UNC79: variants seen among roughly 807,000 people sequenced by gnomAD.
UNC79 encodes unc-79 subunit of NALCN channel complex, also known as protein unc-79 homolog.
In UNC79, 37 loss-of-function variants were observed where a neutral mutation model predicts 283.1. The ratio of observed to expected loss-of-function variants is 0.13; its 90% CI spans 0.10 to 0.17. The LOEUF is 0.17. UNC79 is among the 10% of genes least tolerant of loss of function. UNC79 has a pLI of 1.00. For missense variants in UNC79, 2,272 were observed against 3,211.1 expected (o/e 0.71, Z 7.07); for synonymous variants, 1,107 against 1,200.2 (o/e 0.92, Z 1.61).
intron 14 of UNC79, among the ~76,000 whole-genome samples, chr14:93,563,193 G>A (rs1231988735): frequency 6.6e-6 from 1 of 152,162 alleles, no homozygotes; most frequent in East Asian, 1.9e-4. Flanking sequence ...GAGTAGGTGG[G>A]AGTGACCAAT....
At chr14:93,376,454 G>T (rs1454862110) in intron 1 of UNC79, among the ~76,000 whole-genome samples, 3 of 151,988 alleles carry the variant, frequency 2.0e-5, no homozygotes, top group African/African-American at 7.3e-5. Context: ...AAAATCACAG[G>T]GGCAAACCGT....
At chr14:93,599,353 A>AGTGTGTGT (rs56758207) in intron 24 of UNC79, among the ~76,000 whole-genome samples, 55 of 148,100 alleles carry the variant, frequency 3.7e-4, no homozygotes, top group African/African-American at 1.3e-3. Context: ...CACATACTTA[A>AGTGTGTGT]GTGTGTGTGT....
chr14:93,413,544 T>C (rs1293345212), intron 1 of UNC79, among the ~76,000 whole-genome samples: 1 of 135,700 alleles, frequency 7.4e-6, no homozygotes, highest in African/African-American at 2.8e-5. Flanking sequence ...ATATACCCAG[T>C]AATGGGATGG....
intron 1 of UNC79, among the ~76,000 whole-genome samples, chr14:93,414,484 G>T (rs1041586067): frequency 1.3e-5 from 2 of 152,054 alleles, no homozygotes. Flanking sequence ...TTGTTCTTTT[G>T]GCTTAGGATT....
chr14:93,521,216 C>G (rs2140965476), intron 7 of UNC79, among the ~76,000 whole-genome samples: 1 of 152,130 alleles, frequency 6.6e-6, no homozygotes, highest in African/African-American at 2.4e-5. Context: ...TCCCCCTACT[C>G]TGACTGGTTG....
At chr14:93,459,486 G>A (rs193178849) in intron 1 of UNC79, among the ~76,000 whole-genome samples, 1 of 152,250 alleles carries the variant, frequency 6.6e-6, no homozygotes, top group Admixed American at 6.5e-5. Context: ...CAATAGAATA[G>A]GGGAAGTGTC....
At chr14:93,509,449 C>A (rs1030224597) in intron 7 of UNC79, among the ~76,000 whole-genome samples, 6 of 152,130 alleles carry the variant, frequency 3.9e-5, no homozygotes, top group Non-Finnish European at 8.8e-5. Context: ...CATGTCTCTT[C>A]CACCTATGAT....
chr14:93,485,531 A>C (rs569584009), intron 4 of UNC79, among the ~76,000 whole-genome samples: 8 of 152,132 alleles, frequency 5.3e-5, no homozygotes, highest in African/African-American at 1.9e-4. Flanking sequence ...GGCCCCAAAG[A>C]AGCTGAATTT....
intron 1 of UNC79, among the ~76,000 whole-genome samples, chr14:93,362,605 C>A (rs2054249633): frequency 6.6e-6 from 1 of 152,166 alleles, no homozygotes; most frequent in Admixed American, 6.5e-5. Flanking sequence ...GCCTCGGCCT[C>A]CCAAAGTGCT....
intron 30 of UNC79, among the ~76,000 whole-genome samples, chr14:93,623,721 C>T (rs973375409): frequency 3.3e-5 from 5 of 152,126 alleles, no homozygotes; most frequent in East Asian, 3.9e-4. Context: ...AGTGAAACCC[C>T]GTCTCTACTA....
Position 93,443,424 on chromosome 14 carries a change from C to CTT in UNC79, c.22+12386_22+12387dup, listed in dbSNP as rs144182882. Among the ~76,000 whole-genome samples the CTT allele has an allele frequency of 1.0e-3, 145 of 138,854 alleles. 6 individuals carry two copies. The highest frequency in any genetic ancestry group is 1.6e-3 in the South Asian group (7 of 4,392). The allele number at this position is 138,854 out of a possible 152,430, so 91.1% of individuals were successfully genotyped here. ...GTGCATACTCTTTTCTGTCTGACTT[C>CTT]TTTTTTTTTTTTTTCTCAAGACGGA... On this transcript the variant is annotated intron_variant, in intron 1 of 48. Transcript: ENST00000555664.
intron 5 of UNC79, among the ~76,000 whole-genome samples, chr14:93,493,190 G>A (rs960438000): frequency 1.1e-4 from 16 of 152,046 alleles, no homozygotes; most frequent in African/African-American, 3.9e-4. Context: ...AGGCCTACAA[G>A]GGGGGGCGGT....
chr14:93,501,049 G>A (rs1230996682), intron 7 of UNC79, among the ~76,000 whole-genome samples: 1 of 152,228 alleles, frequency 6.6e-6, no homozygotes, highest in Non-Finnish European at 1.5e-5. Context: ...ATTTGGCCAG[G>A]TGTGGTGGCT....
Position 93,690,756 on chromosome 14 carries a change from A to T in UNC79, c.7272+453A>T. ...ATGAAAACAAGAAGGCCAGTTGGGA[A>T]CTCACTAAAGCACACATTGGCATGA... is the stretch of plus-strand genomic sequence containing the variant. On this transcript the variant is annotated intron_variant, in intron 45 of 48. Transcript: ENST00000555664. The surrounding 1 kb of genome is among the most constrained non-coding windows in gnomAD (Gnocchi z 4.3). 6.2e-6 allele frequency: 1 copy of T among 161,604 alleles called. No individual in the cohort carries two copies. The highest frequency in any genetic ancestry group is 1.3e-5 in the Non-Finnish European group (1 of 74,216). 10.0% of individuals were successfully genotyped at this position (161,604 alleles called of 1,614,324 possible). A position where few individuals can be genotyped will look rare whatever the true frequency, so the allele number is the denominator to read the frequency against.
At chr14:93,411,819 A>G (rs1289651477) in intron 1 of UNC79, among the ~76,000 whole-genome samples, 1 of 152,232 alleles carries the variant, frequency 6.6e-6, no homozygotes, top group African/African-American at 2.4e-5. Context: ...CCCAAGAAGG[A>G]TGGATACAAA....
chr14:93,628,724 C>T (rs1189917447), intron 30 of UNC79, among the ~76,000 whole-genome samples: 1 of 152,072 alleles, frequency 6.6e-6, no homozygotes, highest in Non-Finnish European at 1.5e-5. Flanking sequence ...ATATTTTAAG[C>T]CAAGTGGATA....
chr14:93,364,387 A>G (rs946664641), intron 1 of UNC79, among the ~76,000 whole-genome samples: 2 of 152,008 alleles, frequency 1.3e-5, no homozygotes, highest in African/African-American at 4.8e-5. Context: ...TCAATGTTAT[A>G]TATGTGAGAT....
At chr14:93,538,036 A>G in exon 12 of UNC79, 2 of 1,614,114 alleles carry the variant, frequency 1.2e-6, no homozygotes, top group Non-Finnish European at 1.7e-6. Flanking sequence ...GCTTCTCAGC[A>G]GGGTGCTGTG....
rs989569832 is a variant in UNC79 at position 93,517,160 on chromosome 14, T to TTTCC, written c.899-6800_899-6797dup. On this transcript the variant is annotated intron_variant, in intron 7 of 48. Transcript: ENST00000555664. ...CTTTCTAATTTGTATGCCTTTCTTT[T>TTTCC]TTCCTTCCTTCCTTCCTTCCTCCCC... is the stretch of plus-strand genomic sequence containing the variant. Among the ~76,000 whole-genome samples the TTTCC allele has an allele frequency of 1.3e-4, 19 of 151,596 alleles. No homozygotes were observed. The East Asian group carries it at 1.7e-3, about 14-fold the overall frequency.
Sources: allele counts gnomAD v4.1 joint callset (sites outside exome capture counted in the v4.1 genomes callset), GRCh38; gene constraint gnomAD v4.1.1; non-coding constraint Gnocchi (gnomAD v3.1); transcripts MANE v1.5; gene names NCBI Gene and HGNC (gene_info 2026-07-23, HGNC 2026-07-21).